PPP4R3B: variants seen among roughly 807,000 people sequenced by gnomAD.
PPP4R3B encodes serine/threonine-protein phosphatase 4 regulatory subunit 3B.
In PPP4R3B, 52 loss-of-function variants were observed where a neutral mutation model predicts 95.4. The observed-to-expected ratio is 0.54, with a 90% CI of 0.44 to 0.69. The LOEUF (loss-of-function observed/expected upper bound fraction) is 0.69. Ranked by LOEUF, PPP4R3B falls within the 30% of genes least tolerant of loss-of-function variation. The probability of loss-of-function intolerance (pLI) is 0.00; values close to 1 mark genes in which losing one functional copy is unlikely to be tolerated. For synonymous variants in PPP4R3B, 407 were observed against 343.9 expected (o/e 1.18, Z -2.03); for missense variants, 1,003 against 1,005.9 (o/e 1.00, Z 0.04).
intron 7 of PPP4R3B, among the ~76,000 whole-genome samples, 139 bp downstream of exon 7, chr2:55,584,896 ACATATTCTAATTTGGC>A (rs1689934148): frequency 6.6e-6 from 1 of 152,168 alleles, no homozygotes; most frequent in Non-Finnish European, 1.5e-5. Flanking sequence ...ATCAGTCGCC[ACATATTCTAATTTGGC>A]CAAAGTCACA....
intron 1 of PPP4R3B, 129 bp downstream of exon 1, chr2:55,617,015 A>T: frequency 9.3e-7 from 1 of 1,079,232 alleles, no homozygotes; most frequent in Non-Finnish European, 1.3e-6. Context: ...TTTGCCGTAC[A>T]CAAGAGCCAG....
Position 55,578,359 on chromosome 2 carries a change from C to T in PPP4R3B, c.1469-17G>A. On this transcript the variant is annotated splice_polypyrimidine_tract_variant and intron_variant, in intron 9 of 16. Coordinates refer to ENST00000616407, the MANE Select transcript of PPP4R3B (RefSeq NM_001122964.3). ...AAAAAAAATCTGAAAAAAAATATGGCAAGTTAGTTTTGATAAAGCCAACAG... is the reference window on the plus strand; with the variant it reads ...AAAAAAAATCTGAAAAAAAATATGGTAAGTTAGTTTTGATAAAGCCAACAG... 7.4e-7 allele frequency: 1 copy of T among 1,351,304 alleles called. No homozygotes were observed. Among genetic ancestry groups the T allele is most frequent in the Non-Finnish European group, 9.6e-7 (1 of 1,045,434 alleles). The allele number at this position is 1,351,304 out of a possible 1,614,324, so 83.7% of individuals were successfully genotyped here.
intron 5 of PPP4R3B, among the ~76,000 whole-genome samples, chr2:55,587,142 G>C (rs1332817997): frequency 6.6e-6 from 1 of 152,188 alleles, no homozygotes; most frequent in Non-Finnish European, 1.5e-5. Flanking sequence ...GGCTATAAAA[G>C]GCAAATGAAA....
chr2:55,577,314 C>A lies in PPP4R3B; in HGVS notation c.1606+1G>T, dbSNP rs1402521017. 1.3e-6 allele frequency: 2 copies of A among 1,550,192 alleles called. No homozygotes were observed. Among genetic ancestry groups the A allele is most frequent in the Non-Finnish European group, 1.7e-6 (2 of 1,154,672 alleles). On this transcript the variant is annotated splice_donor_variant, in intron 11 of 16. Transcript: ENST00000616407. LOFTEE classifies it high-confidence loss of function. ...TTCATAAAGTATGAATTCATACTTA[C>A]CGGGACAAATTGTGTTGTTTTTGTT... is the stretch of plus-strand genomic sequence containing the variant.
chr2:55,616,231 G>C (rs1277563485), intron 1 of PPP4R3B, among the ~76,000 whole-genome samples: 1 of 152,024 alleles, frequency 6.6e-6, no homozygotes, highest in South Asian at 2.1e-4. Context: ...TCATGACAGG[G>C]ATTAAATACT....
intron 15 of PPP4R3B, among the ~76,000 whole-genome samples, chr2:55,560,163 TG>T (rs749725144): frequency 2.6e-5 from 4 of 151,972 alleles, no homozygotes; most frequent in Non-Finnish European, 4.4e-5. Flanking sequence ...ACTTTGGAAC[TG>T]GGTAATAGAC....
intron 3 of PPP4R3B, among the ~76,000 whole-genome samples, chr2:55,603,652 T>C (rs560858437): frequency 6.6e-6 from 1 of 152,284 alleles, no homozygotes; most frequent in East Asian, 1.9e-4. Flanking sequence ...TGACCAAATA[T>C]TTATGTTTTT....
chr2:55,612,770 C>T (rs1453596009), intron 2 of PPP4R3B, among the ~76,000 whole-genome samples: 3 of 151,836 alleles, frequency 2.0e-5, no homozygotes, highest in Admixed American at 6.6e-5. Context: ...CGGTGAAACC[C>T]CATCTCTACT....
intron 16 of PPP4R3B, among the ~76,000 whole-genome samples, chr2:55,557,569 A>G (rs1261135834): frequency 6.6e-6 from 1 of 152,206 alleles, no homozygotes; most frequent in African/African-American, 2.4e-5. Flanking sequence ...GTTGAAAAAC[A>G]TAAAATATGT....
At chr2:55,610,040 G>A (rs566672402) in intron 2 of PPP4R3B, among the ~76,000 whole-genome samples, 18 of 152,160 alleles carry the variant, frequency 1.2e-4, no homozygotes, top group African/African-American at 4.3e-4. Flanking sequence ...ATGTAAACCT[G>A]CTTAACTTCC....
chr2:55,549,861 A>T lies in PPP4R3B; in HGVS notation c.*50T>A. On this transcript the variant is annotated 3_prime_UTR_variant, in exon 17 of 17. Transcript: ENST00000616407. ...CTGATTCAGATTTTCAGCTCACTGAACAGTTGCAGCATTGTAAGACCACAT... is the reference window on the plus strand; with the variant it reads ...CTGATTCAGATTTTCAGCTCACTGATCAGTTGCAGCATTGTAAGACCACAT... 7.5e-7 allele frequency: 1 copy of T among 1,338,982 alleles called. No homozygotes were observed. Among genetic ancestry groups the T allele is most frequent in the South Asian group, 1.2e-5 (1 of 84,956 alleles). 82.9% of individuals were successfully genotyped at this position (1,338,982 alleles called of 1,614,324 possible).
At chr2:55,560,121 C>G (rs1476311640) in intron 15 of PPP4R3B, among the ~76,000 whole-genome samples, 3 of 149,986 alleles carry the variant, frequency 2.0e-5, no homozygotes, top group Non-Finnish European at 4.4e-5. Flanking sequence ...GACTCCATCT[C>G]AAAAAAAAAG....
At chr2:55,593,339 A>G (rs1691300860) in intron 4 of PPP4R3B, among the ~76,000 whole-genome samples, 1 of 152,084 alleles carries the variant, frequency 6.6e-6, no homozygotes, top group South Asian at 2.1e-4. Flanking sequence ...TGACTATGCT[A>G]AGTACTCTCA....
chr2:55,585,254 G>C, intron 6 of PPP4R3B, 87 bp from the exon 7 acceptor site: 1 of 887,058 alleles, frequency 1.1e-6, no homozygotes, highest in Non-Finnish European at 1.7e-6. Flanking sequence ...CCATACACTA[G>C]CTCTCAACTT....
chr2:55,572,876 T>C (rs1461356612), intron 12 of PPP4R3B, among the ~76,000 whole-genome samples: 1 of 152,136 alleles, frequency 6.6e-6, no homozygotes, highest in Non-Finnish European at 1.5e-5. Context: ...TACTCAGCTA[T>C]CTCCAGGAAT....
chr2:55,591,609 A>T (rs1009555947), intron 4 of PPP4R3B: 2 of 983,946 alleles, frequency 2.0e-6, no homozygotes, highest in Non-Finnish European at 2.4e-6. Flanking sequence ...TATTTTCATA[A>T]GAAAAAAGTT....
intron 14 of PPP4R3B, among the ~76,000 whole-genome samples, 192 bp from the exon 15 acceptor site, chr2:55,564,689 T>C (rs1161513242): frequency 6.6e-6 from 1 of 152,202 alleles, no homozygotes; most frequent in African/African-American, 2.4e-5. Context: ...TGTTGTAAAT[T>C]AAACTAAATA....
At chr2:55,597,418 C>G (rs1367077730) in intron 4 of PPP4R3B, among the ~76,000 whole-genome samples, 1 of 151,880 alleles carries the variant, frequency 6.6e-6, no homozygotes, top group Non-Finnish European at 1.5e-5. Context: ...GTCAGGAGAT[C>G]GAGACCATCC....
chr2:55,573,475 T>C, intron 12 of PPP4R3B, 144 bp downstream of exon 12: 1 of 726,564 alleles, frequency 1.4e-6, no homozygotes, highest in Non-Finnish European at 2.1e-6. Flanking sequence ...CTAGTCCTCT[T>C]GCCCTTTAAA....
Sources: gnomAD v4.1 joint callset for allele counts (sites outside exome capture counted in the v4.1 genomes callset) on GRCh38, gnomAD v4.1.1 for gene constraint, MANE v1.5 for transcripts, NCBI Gene and HGNC (gene_info 2026-07-23, HGNC 2026-07-21) for gene names.